Variants in PPHLN1 observed in about 807,000 individuals in gnomAD.
The protein encoded by PPHLN1 is periphilin-1.
PPHLN1 carries 29 observed loss-of-function variants against 51.3 expected under a neutral mutation model. The observed-to-expected ratio is 0.57, with a 90% confidence interval of 0.42 to 0.77. PPHLN1 has a LOEUF of 0.77. PPHLN1 is among the 30% of genes least tolerant of loss of function. PPHLN1 has a pLI of 0.00. For synonymous variants in PPHLN1, 147 were observed against 147.8 expected, an observed-to-expected ratio of 0.99 and a Z score of 0.04; for missense variants, 436 against 438.4, an observed-to-expected ratio of 0.99 and a Z score of 0.05.
chr12:42,371,447 T>C (rs11835257), intron 4 of PPHLN1, among the ~76,000 whole-genome samples: 29,702 of 152,058 alleles, frequency 0.2, 3,222 homozygotes, highest in African/African-American at 0.29. Context: ...CATAGTCTCC[T>C]CGAGACTTGC....
At chr12:42,368,683 TACTA>T (rs1461552328) in intron 4 of PPHLN1, among the ~76,000 whole-genome samples, 1 of 152,218 alleles carries the variant, frequency 6.6e-6, no homozygotes, top group African/African-American at 2.4e-5. Context: ...GAATGGGAAA[TACTA>T]ATATTTTGTG....
rs202063900 is a variant in PPHLN1 at position 42,341,917 on chromosome 12, A to C, written c.72+5943A>C. Reference sequence around the variant, plus strand: ...ATTATAGGTGTGAGCCATCGCGCCCAGGCGCTTTTAAATTCTTTATGTATA... The same window carrying C: ...ATTATAGGTGTGAGCCATCGCGCCCCGGCGCTTTTAAATTCTTTATGTATA... On this transcript the variant is annotated intron_variant, in intron 2 of 9. Coordinates refer to ENST00000358314, the MANE Select transcript of PPHLN1 (RefSeq NM_201439.2). Among the ~76,000 whole-genome samples, 175 of 152,292 alleles carry C rather than the reference A, an allele frequency of 1.1e-3. 1 individual carries two copies. In the South Asian group the frequency reaches 0.029, roughly 25 times the overall value.
chr12:42,384,785 C>T (rs887672696), intron 5 of PPHLN1, among the ~76,000 whole-genome samples, 155 bp from the exon 6 acceptor site: 2 of 152,182 alleles, frequency 1.3e-5, no homozygotes, highest in African/African-American at 4.8e-5. Context: ...ATTGCTCAGG[C>T]AGCCCAACTT....
chr12:42,405,735 A>G (rs1311509577), intron 9 of PPHLN1, among the ~76,000 whole-genome samples: 1 of 152,166 alleles, frequency 6.6e-6, no homozygotes, highest in African/African-American at 2.4e-5. Context: ...AAATCTTAAG[A>G]TTTTTAATCC....
intron 9 of PPHLN1, among the ~76,000 whole-genome samples, chr12:42,424,970 AG>A (rs1308580743): frequency 6.6e-6 from 1 of 152,208 alleles, no homozygotes; most frequent in African/African-American, 2.4e-5. Context: ...TAGTAACAAA[AG>A]TAACTTCTAC....
downstream of PPHLN1, chr12:42,442,879 C>A: frequency 1.5e-6 from 2 of 1,373,352 alleles, no homozygotes; most frequent in Non-Finnish European, 1.9e-6. Flanking sequence ...GCTAGCAGAG[C>A]CTCGGTTTCG....
chr12:42,366,125 A>C (rs888244125), intron 4 of PPHLN1, among the ~76,000 whole-genome samples: 1 of 152,154 alleles, frequency 6.6e-6, no homozygotes, highest in Non-Finnish European at 1.5e-5. Context: ...TATGGATAAA[A>C]CAACAAAAAA....
Position 42,355,206 on chromosome 12 carries a change from A to C in PPHLN1, c.283A>C (p.Arg95=), listed in dbSNP as rs757039194. Residue 95 remains arginine, a synonymous_variant, in exon 4 of 10, where the codon AGG becomes CGG. Coordinates refer to ENST00000358314, the MANE Select transcript of PPHLN1 (RefSeq NM_201439.2). The stretch of plus-strand genomic sequence containing the variant: ...GACAAGAGACGATCATTCTGCAAGC[A>C]GGCAACCTGAATACAGGTAAAAGGA... ...RWTRDDHSAS[R]QPEYRDMRDG... The C allele has an allele frequency of 4.2e-5, 68 of 1,613,556 alleles. No homozygotes were observed. Among genetic ancestry groups the C allele is most frequent in the Non-Finnish European group, 5.5e-5 (65 of 1,179,710 alleles).
chr12:42,336,035 C>A, intron 2 of PPHLN1, 61 bp downstream of exon 2: 1 of 1,144,206 alleles, frequency 8.7e-7, no homozygotes, highest in Non-Finnish European at 1.2e-6. Flanking sequence ...ATTTGATACA[C>A]CAAAGCTAGG....
At chr12:42,405,021 C>T (rs1049888879) in intron 9 of PPHLN1, among the ~76,000 whole-genome samples, 1 of 151,934 alleles carries the variant, frequency 6.6e-6, no homozygotes, top group South Asian at 2.1e-4. Flanking sequence ...AGTGAGACTC[C>T]GTCTAAAAAA....
chr12:42,444,921 A>G (rs563726240), downstream of PPHLN1: 4 of 613,576 alleles, frequency 6.5e-6, no homozygotes, highest in Non-Finnish European at 1.2e-5. Flanking sequence ...TAACTCCCTC[A>G]CTCCATCGAG....
At chr12:42,427,864 A>G (rs2081637289) in intron 9 of PPHLN1, among the ~76,000 whole-genome samples, 1 of 152,238 alleles carries the variant, frequency 6.6e-6, no homozygotes, top group Admixed American at 6.5e-5. Context: ...TGTACATCTG[A>G]CAAAGGACTA....
At chr12:42,446,175 T>C (rs540074688), downstream of PPHLN1, 1 of 1,609,408 alleles carries the variant, frequency 6.2e-7, no homozygotes, top group Non-Finnish European at 8.5e-7. Flanking sequence ...ACCTGGGGGA[T>C]GCTGAAGAAG....
intron 9 of PPHLN1, among the ~76,000 whole-genome samples, chr12:42,411,498 T>C (rs2079823294): frequency 6.6e-6 from 1 of 152,042 alleles, no homozygotes; most frequent in Non-Finnish European, 1.5e-5. Flanking sequence ...GGGACGAACA[T>C]AGAAATGATA....
chr12:42,365,964 T>TA (rs879699470), intron 4 of PPHLN1, among the ~76,000 whole-genome samples: 1 of 152,216 alleles, frequency 6.6e-6, no homozygotes, highest in Non-Finnish European at 1.5e-5. Flanking sequence ...GCTAGAAACC[T>TA]ATAGTTTTGA....
At chr12:42,337,432 A>T (rs2070832747) in intron 2 of PPHLN1, among the ~76,000 whole-genome samples, 1 of 151,170 alleles carries the variant, frequency 6.6e-6, no homozygotes, top group Non-Finnish European at 1.5e-5. Context: ...AGTAGCTGGG[A>T]TTACAGGTGC....
intron 9 of PPHLN1, among the ~76,000 whole-genome samples, 195 bp from the exon 10 acceptor site, chr12:42,441,120 A>C (rs2082912690): frequency 1.3e-5 from 2 of 152,166 alleles, no homozygotes. Flanking sequence ...TCATTCAGGT[A>C]TTGTCAGCAG....
chr12:42,359,316 CTAATA>C (rs2074370005), intron 4 of PPHLN1: 1 of 152,124 alleles, frequency 6.6e-6, no homozygotes, highest in Admixed American at 6.6e-5. Context: ...CTTGTGGTAT[CTAATA>C]TGTCAAATGC....
rs1021321125 is a variant in PPHLN1, at chr12:42,367,408, A to G, written c.300-7455A>G. Among the ~76,000 whole-genome samples, 3 of 152,044 alleles carry G rather than the reference A, an allele frequency of 2.0e-5. No homozygotes were observed. In the South Asian group the frequency reaches 6.2e-4, roughly 32 times the overall value. The stretch of plus-strand genomic sequence containing the variant: ...ATAAATCAGGTAAAAATGAAAAATC[A>G]AAGTCTTAGTTTCTTTTTTTTTTTA... On this transcript the variant is annotated intron_variant, in intron 4 of 9. Coordinates refer to ENST00000358314, the MANE Select transcript of PPHLN1 (RefSeq NM_201439.2).
Sources: allele counts gnomAD v4.1 joint callset (sites outside exome capture counted in the v4.1 genomes callset), GRCh38; gene constraint gnomAD v4.1.1; transcripts MANE v1.5; gene names NCBI Gene and HGNC (gene_info 2026-07-23, HGNC 2026-07-21).